Variants in PPARG observed in about 807,000 individuals in gnomAD.
PPARG encodes the protein peroxisome proliferator activated receptor gamma.
In PPARG, 17 loss-of-function variants were observed where a neutral mutation model predicts 39.2. The observed-to-expected ratio is 0.43, with a 90% confidence interval of 0.30 to 0.65. The LOEUF is 0.65. Ranked by LOEUF, PPARG falls within the 30% of genes least tolerant of loss-of-function variation. PPARG has a pLI of 0.13. For missense variants in PPARG, 406 were observed against 585.9 expected (o/e 0.69, Z 3.17); for synonymous variants, 223 against 215.7 (o/e 1.03, Z -0.30).
intron 5 of PPARG, among the ~76,000 whole-genome samples, chr3:12,402,731 C>T (rs1027208508): frequency 6.6e-6 from 1 of 152,036 alleles, no homozygotes; most frequent in Non-Finnish European, 1.5e-5. Flanking sequence ...CAGAAGTTAC[C>T]GAGTGACTCT....
At chr3:12,392,233 G>A (rs1009980592) in intron 4 of PPARG, among the ~76,000 whole-genome samples, 15 of 152,132 alleles carry the variant, frequency 9.9e-5, no homozygotes, top group African/African-American at 3.4e-4. Context: ...CAATTACAAA[G>A]GCTGGGGCAT....
At chr3:12,315,941 T>C (rs2047376934) in intron 2 of PPARG, among the ~76,000 whole-genome samples, 2 of 152,298 alleles carry the variant, frequency 1.3e-5, no homozygotes, top group Non-Finnish European at 2.9e-5. Context: ...CAAGACAGGA[T>C]TTGAACAAGA....
chr3:12,422,881 C>CA (rs11287877), intron 7 of PPARG, among the ~76,000 whole-genome samples: 32 of 141,000 alleles, frequency 2.3e-4, no homozygotes, highest in East Asian at 6.4e-4. Flanking sequence ...GATCCTGTCT[C>CA]AAAAAAAAAA....
intron 2 of PPARG, among the ~76,000 whole-genome samples, chr3:12,329,850 C>T (rs1326744209): frequency 2.6e-5 from 4 of 152,154 alleles, no homozygotes; most frequent in Non-Finnish European, 5.9e-5. Flanking sequence ...TCTATGAATT[C>T]GGATATTCCA....
At chr3:12,364,885 A>G (rs2048965081) in intron 2 of PPARG, among the ~76,000 whole-genome samples, 1 of 152,194 alleles carries the variant, frequency 6.6e-6, no homozygotes, top group South Asian at 2.1e-4. Context: ...AAACAGGGTT[A>G]TTCACTTTCT....
intron 2 of PPARG, among the ~76,000 whole-genome samples, chr3:12,336,400 C>G (rs1349292966): frequency 6.6e-6 from 1 of 151,952 alleles, no homozygotes; most frequent in Admixed American, 6.6e-5. Flanking sequence ...CCTCTTGATA[C>G]TCTTTGAGGA....
Position 12,413,483 on chromosome 3 carries a change from A to G in PPARG, c.730-3221A>G, listed in dbSNP as rs569929621. Among the ~76,000 whole-genome samples the G allele has an allele frequency of 6.6e-5, 10 of 152,162 alleles. No homozygotes were observed. In the South Asian group the frequency reaches 2.1e-3, roughly 32 times the overall value. ...AACACCCAGAATTCTCTGCTAGTTC[A>G]CCTCTTCTTCAGAATGCAGAAAGGA... On this transcript the variant is annotated intron_variant, in intron 6 of 7. Coordinates refer to ENST00000651735, the MANE Select transcript of PPARG (RefSeq NM_138711.6).
intron 2 of PPARG, among the ~76,000 whole-genome samples, chr3:12,358,661 C>G (rs2048741729): frequency 6.6e-6 from 1 of 152,062 alleles, no homozygotes; most frequent in African/African-American, 2.4e-5. Context: ...AAATATGATG[C>G]TAATAAGAGC....
At chr3:12,330,882 C>G (rs2047839780) in intron 2 of PPARG, among the ~76,000 whole-genome samples, 1 of 152,134 alleles carries the variant, frequency 6.6e-6, no homozygotes, top group Admixed American at 6.5e-5. Context: ...TCTTGGAGAT[C>G]CACAAATATA....
intron 2 of PPARG, among the ~76,000 whole-genome samples, chr3:12,341,566 G>T (rs905946262): frequency 1.2e-4 from 19 of 152,132 alleles, no homozygotes; most frequent in Non-Finnish European, 2.5e-4. Context: ...CCAGAACTTT[G>T]GGAGGCCAAG....
chr3:12,380,118 G>A lies in PPARG; in HGVS notation c.220+187G>A, dbSNP rs150075716. On this transcript the variant is annotated intron_variant, in intron 3 of 7. Transcript: ENST00000651735. ...GAAATGCCAGGAAGGGAGCTGGCAC[G>A]AGGTCAATCTTGCCTTCCCCGCCCC... is the stretch of plus-strand genomic sequence containing the variant. Among the ~76,000 whole-genome samples, 18 of 152,146 alleles carry A rather than the reference G, an allele frequency of 1.2e-4. No individual in the cohort carries two copies. The East Asian group carries it at 3.5e-3, about 29-fold the overall frequency.
chr3:12,309,349 T>G (rs1277046769), intron 1 of PPARG, among the ~76,000 whole-genome samples: 1 of 152,212 alleles, frequency 6.6e-6, no homozygotes, highest in African/African-American at 2.4e-5. Context: ...GTGACACATT[T>G]TAATAGATTT....
intron 2 of PPARG, among the ~76,000 whole-genome samples, chr3:12,322,120 T>C (rs2047563562): frequency 6.6e-6 from 1 of 152,270 alleles, no homozygotes; most frequent in African/African-American, 2.4e-5. Context: ...TAGACTTTTT[T>C]GTTGCAGATA....
chr3:12,320,770 C>T (rs2047520357), intron 2 of PPARG, among the ~76,000 whole-genome samples: 1 of 152,194 alleles, frequency 6.6e-6, no homozygotes, highest in African/African-American at 2.4e-5. Flanking sequence ...ATCCCAACTA[C>T]TCAGGTGGCT....
chr3:12,296,271 A>AAAAAAAAAAAAAAAAT (rs2046783313), intron 1 of PPARG, among the ~76,000 whole-genome samples: 1 of 151,482 alleles, frequency 6.6e-6, no homozygotes, highest in South Asian at 2.1e-4. Flanking sequence ...AAAAAAAAAA[A>AAAAAAAAAAAAAAAAT]AAAAAAAAGA....
intron 1 of PPARG, among the ~76,000 whole-genome samples, chr3:12,302,928 C>G (rs993388059): frequency 1.4e-4 from 21 of 152,176 alleles, no homozygotes; most frequent in African/African-American, 5.1e-4. Flanking sequence ...GTGGACGATG[C>G]TCTGAAGCAG....
intron 2 of PPARG, among the ~76,000 whole-genome samples, chr3:12,336,103 T>TA (rs1254214511): frequency 6.6e-6 from 1 of 152,142 alleles, no homozygotes; most frequent in Non-Finnish European, 1.5e-5. Context: ...TCAGAGACAT[T>TA]AATTAGGAAG....
intron 2 of PPARG, among the ~76,000 whole-genome samples, chr3:12,317,183 T>C (rs2047413507): frequency 6.6e-6 from 1 of 152,210 alleles, no homozygotes; most frequent in South Asian, 2.1e-4. Context: ...GGCTTGAGTG[T>C]TGAAACATAG....
chr3:12,288,478 C>G (rs957739519), upstream of PPARG, among the ~76,000 whole-genome samples: 34 of 151,956 alleles, frequency 2.2e-4, no homozygotes, highest in African/African-American at 8.0e-4. Flanking sequence ...CCTCCGCGTC[C>G]CCGGCGGAGG....
Sources: allele counts gnomAD v4.1 joint callset (sites outside exome capture counted in the v4.1 genomes callset), GRCh38; gene constraint gnomAD v4.1.1; transcripts MANE v1.5; gene names NCBI Gene and HGNC (gene_info 2026-07-23, HGNC 2026-07-21).